Variants in DUSP16 observed in about 807,000 individuals in gnomAD.
DUSP16 encodes the protein dual specificity phosphatase 16.
In DUSP16, 21 loss-of-function variants were observed where a neutral mutation model predicts 58.3. The ratio of observed to expected loss-of-function variants is 0.36; its 90% CI spans 0.26 to 0.52. DUSP16 has a LOEUF of 0.52. Ranked by LOEUF, DUSP16 falls within the 20% of genes least tolerant of loss-of-function variation. The pLI is 0.94. For synonymous variants in DUSP16, 320 were observed against 323.8 expected (o/e 0.99, Z 0.12); for missense variants, 726 against 819.0 (o/e 0.89, Z 1.39).
intron 1 of DUSP16, among the ~76,000 whole-genome samples, chr12:12,557,751 T>C (rs942039062): frequency 2.0e-5 from 3 of 152,196 alleles, no homozygotes; most frequent in Admixed American, 2.0e-4. Context: ...TGTTTACTTG[T>C]TTACTGTCTT....
At position 12,485,166 on chromosome 12, in the gene DUSP16, C is replaced by T. The variant is rs557751222; in HGVS notation, c.691+1862G>A. On this transcript the variant is annotated intron_variant, in intron 5 of 6. Transcript: ENST00000298573. ...CTGGGACTACAGGCATGTGCCACTA[C>T]GCCCAGCTAATTTTTGTATTTTTAG... Among the ~76,000 whole-genome samples, 19 of 152,044 alleles carry T rather than the reference C, an allele frequency of 1.2e-4. No individual in the cohort carries two copies. In the South Asian group the frequency reaches 1.5e-3, roughly 12 times the overall value.
intron 1 of DUSP16, among the ~76,000 whole-genome samples, chr12:12,541,084 G>A (rs558426943): frequency 4.7e-5 from 7 of 148,350 alleles, no homozygotes; most frequent in South Asian, 2.2e-4. Flanking sequence ...TCAGCCTCCC[G>A]AGTAACTGGG....
intron 1 of DUSP16, among the ~76,000 whole-genome samples, chr12:12,526,642 G>A (rs775082943): frequency 1.3e-5 from 2 of 152,136 alleles, no homozygotes; most frequent in Non-Finnish European, 2.9e-5. Context: ...CCTAGCCAGA[G>A]AATCCTTTTT....
chr12:12,490,060 T>C (rs1038294384), intron 4 of DUSP16, among the ~76,000 whole-genome samples: 2 of 152,206 alleles, frequency 1.3e-5, no homozygotes, highest in Non-Finnish European at 2.9e-5. Context: ...ACTACAGGCA[T>C]GTGCCACTGC....
chr12:12,483,314 A>G (rs1943611190), intron 5 of DUSP16, among the ~76,000 whole-genome samples: 3 of 152,234 alleles, frequency 2.0e-5, no homozygotes, highest in Admixed American at 6.5e-5. Context: ...TTAACAGCCA[A>G]TTATGAGTCA....
At chr12:12,481,748 T>C (rs1458052092) in intron 5 of DUSP16, among the ~76,000 whole-genome samples, 1 of 151,914 alleles carries the variant, frequency 6.6e-6, no homozygotes, top group African/African-American at 2.4e-5. Context: ...AAACAAAGAA[T>C]TGCATGCTAT....
At chr12:12,482,210 G>A (rs1350686025) in intron 5 of DUSP16, among the ~76,000 whole-genome samples, 1 of 152,028 alleles carries the variant, frequency 6.6e-6, no homozygotes, top group Non-Finnish European at 1.5e-5. Context: ...TCCCCCAAAA[G>A]ACTTAACGCT....
Position 12,500,554 on chromosome 12 carries a change from G to C in DUSP16, c.496C>G (p.Leu166Val). 1 of 1,612,084 alleles carries C rather than the reference G, an allele frequency of 6.2e-7. No individual in the cohort carries two copies. Among genetic ancestry groups the C allele is most frequent in the Non-Finnish European group, 8.5e-7 (1 of 1,179,244 alleles). Reference sequence around the variant, plus strand: ...ACATCTCGCTGGCAGCCAAGATAAAGATTGGGAAGAATTCGGGTTGGCCCA... The same window carrying C: ...ACATCTCGCTGGCAGCCAAGATAAACATTGGGAAGAATTCGGGTTGGCCCA... ...NIGPTRILPNLYLGCQRDVLN... is the reference protein window; with the variant it reads ...NIGPTRILPNVYLGCQRDVLN... The change falls in exon 4 of 7, where the codon CTT (leucine) becomes GTT (valine). Residue 166 changes from leucine (L) to valine (V), a missense_variant. Physicochemically the swap from Leu to Val is conservative, Grantham distance 32. Transcript: ENST00000298573.
intron 1 of DUSP16, among the ~76,000 whole-genome samples, chr12:12,535,289 A>C (rs1944449043): frequency 6.6e-6 from 1 of 152,218 alleles, no homozygotes; most frequent in Non-Finnish European, 1.5e-5. Flanking sequence ...ATAGCAAAAC[A>C]AATAGTAATG....
chr12:12,500,429 G>T, intron 4 of DUSP16, 90 bp downstream of exon 4: 1 of 1,411,462 alleles, frequency 7.1e-7, no homozygotes, highest in Non-Finnish European at 9.5e-7. Flanking sequence ...CCTGAGATTG[G>T]GGTGTGTTTC....
At chr12:12,528,257 T>C (rs1944333710) in intron 1 of DUSP16, among the ~76,000 whole-genome samples, 1 of 152,076 alleles carries the variant, frequency 6.6e-6, no homozygotes, top group Admixed American at 6.5e-5. Flanking sequence ...CCTACCCCTC[T>C]ACACTTAATG....
At chr12:12,520,135 G>A (rs1944211086) in intron 2 of DUSP16, 135 bp from the exon 3 acceptor site, 3 of 925,370 alleles carry the variant, frequency 3.2e-6, no homozygotes, top group African/African-American at 3.3e-5. Flanking sequence ...GAATAAAAAT[G>A]AGATGTAGTC....
intron 1 of DUSP16, among the ~76,000 whole-genome samples, chr12:12,540,935 TTTTC>T (rs1268862685): frequency 1.1e-5 from 1 of 92,578 alleles, no homozygotes; most frequent in East Asian, 2.6e-4. Flanking sequence ...CTTTTTTTTC[TTTTC>T]TTTTCTTTTC....
intron 1 of DUSP16, among the ~76,000 whole-genome samples, chr12:12,536,474 G>A (rs889543787): frequency 6.6e-6 from 1 of 152,226 alleles, no homozygotes; most frequent in Admixed American, 6.5e-5. Flanking sequence ...GCCGGGCACA[G>A]TGGCTCATGC....
intron 4 of DUSP16, 89 bp downstream of exon 4, chr12:12,500,430 G>C: frequency 7.1e-7 from 1 of 1,417,044 alleles, no homozygotes. Flanking sequence ...CTGAGATTGG[G>C]GTGTGTTTCA....
intron 4 of DUSP16, among the ~76,000 whole-genome samples, chr12:12,487,686 T>C (rs1436171983): frequency 6.6e-6 from 1 of 152,146 alleles, no homozygotes; most frequent in Non-Finnish European, 1.5e-5. Context: ...TCCTCTTAAA[T>C]TTCCAACCCG....
chr12:12,547,082 C>A (rs1386897600), intron 1 of DUSP16, among the ~76,000 whole-genome samples: 1 of 152,068 alleles, frequency 6.6e-6, no homozygotes, highest in African/African-American at 2.4e-5. Flanking sequence ...CTGTTCTTAA[C>A]AGAAATAAAA....
intron 3 of DUSP16, among the ~76,000 whole-genome samples, chr12:12,518,272 T>C (rs2136230113): frequency 6.6e-6 from 1 of 150,954 alleles, no homozygotes; most frequent in African/African-American, 2.4e-5. Context: ...CCCAGCACTT[T>C]GGGAGGCCGA....
intron 1 of DUSP16, among the ~76,000 whole-genome samples, chr12:12,547,334 C>A (rs1944655554): frequency 6.6e-6 from 1 of 151,340 alleles, no homozygotes; most frequent in African/African-American, 2.4e-5. Flanking sequence ...GAGGCTGAGG[C>A]AGGAGAATCG....
Sources: allele counts gnomAD v4.1 joint callset (sites outside exome capture counted in the v4.1 genomes callset), GRCh38; gene constraint gnomAD v4.1.1; transcripts MANE v1.5; gene names NCBI Gene and HGNC (gene_info 2026-07-23, HGNC 2026-07-21).